Variants in CNTLN observed in about 807,000 individuals in gnomAD.
CNTLN encodes centlein.
A neutral mutation model predicts 180.0 loss-of-function variants in CNTLN; 212 were observed. The observed-to-expected ratio is 1.18, with a 90% CI of 1.05 to 1.32. The LOEUF (loss-of-function observed/expected upper bound fraction) is 1.32, where lower values mean the gene tolerates loss of function less well. Among genes scored for constraint, CNTLN ranks in the 40% most tolerant of loss-of-function variants. The pLI, the probability that CNTLN is intolerant of heterozygous loss-of-function variation, is 0.00. For synonymous variants in CNTLN, 722 were observed against 563.1 expected, an observed-to-expected ratio of 1.28 and a Z score of -3.99; for missense variants, 2,095 against 1,610.9, an observed-to-expected ratio of 1.30 and a Z score of -5.14.
intron 2 of CNTLN, among the ~76,000 whole-genome samples, chr9:17,149,544 G>A (rs1818706691): frequency 7.9e-6 from 1 of 126,838 alleles, no homozygotes; most frequent in African/African-American, 3.2e-5. Context: ...TAGAGACTGG[G>A]TCTCGCTCTG....
intron 13 of CNTLN, among the ~76,000 whole-genome samples, chr9:17,382,051 T>C (rs1825293771): frequency 6.6e-6 from 1 of 152,172 alleles, no homozygotes; most frequent in African/African-American, 2.4e-5. Flanking sequence ...GGAGTAAGCA[T>C]TTGCTGAGTA....
At chr9:17,264,978 A>G (rs573889462) in intron 5 of CNTLN, among the ~76,000 whole-genome samples, 228 of 144,092 alleles carry the variant, frequency 1.6e-3, no homozygotes, top group African/African-American at 5.7e-3. Flanking sequence ...GAATCATGTC[A>G]TCTGCAAACA....
At chr9:17,207,433 T>C (rs1777995237) in intron 2 of CNTLN, among the ~76,000 whole-genome samples, 1 of 152,176 alleles carries the variant, frequency 6.6e-6, no homozygotes, top group Admixed American at 6.5e-5. Flanking sequence ...GCTCGGTGTC[T>C]GCCCAAAGAG....
chr9:17,417,213 G>A (rs978673108), intron 18 of CNTLN, among the ~76,000 whole-genome samples: 1 of 152,092 alleles, frequency 6.6e-6, no homozygotes, highest in Non-Finnish European at 1.5e-5. Context: ...CACAACCACT[G>A]TATAGGAACC....
In CNTLN at chr9:17,267,674, AC is replaced by A. The variant is rs1182945536; in HGVS notation, c.850-6057del. Among the ~76,000 whole-genome samples the A allele has an allele frequency of 3.9e-5, 6 of 152,222 alleles. No homozygotes were observed. The East Asian group carries it at 9.7e-4, about 24-fold the overall frequency. On this transcript the variant is annotated intron_variant, in intron 5 of 25. Coordinates refer to ENST00000380647, the MANE Select transcript of CNTLN (RefSeq NM_017738.4). ...CATTCTCCCCGACACTTTCAGGTACACCAATCAGACGTAGATTTGGTCTTTT... is the reference window on the plus strand; with the variant it reads ...CATTCTCCCCGACACTTTCAGGTACACAATCAGACGTAGATTTGGTCTTTT...
chr9:17,152,539 T>G (rs1818962990), intron 2 of CNTLN, among the ~76,000 whole-genome samples: 1 of 152,180 alleles, frequency 6.6e-6, no homozygotes, highest in Admixed American at 6.5e-5. Flanking sequence ...TTATTTTGAT[T>G]TCTGTTCTTT....
intron 1 of CNTLN, among the ~76,000 whole-genome samples, chr9:17,141,767 A>G (rs529523525): frequency 2.6e-5 from 4 of 152,166 alleles, no homozygotes; most frequent in African/African-American, 7.2e-5. Context: ...GATGATTTGG[A>G]TATGAAGTAT....
chr9:17,295,356 C>A (rs1243105285), intron 6 of CNTLN, among the ~76,000 whole-genome samples: 2 of 152,192 alleles, frequency 1.3e-5, no homozygotes, highest in Admixed American at 6.5e-5. Flanking sequence ...GAGAGCGAGC[C>A]ACGACTGCGA....
chr9:17,389,655 G>C (rs1825945448), intron 14 of CNTLN, among the ~76,000 whole-genome samples: 1 of 151,698 alleles, frequency 6.6e-6, no homozygotes, highest in Non-Finnish European at 1.5e-5. Context: ...TATTTTAAAA[G>C]GTTATATATG....
intron 5 of CNTLN, among the ~76,000 whole-genome samples, chr9:17,240,579 T>G (rs776257784): frequency 2.0e-5 from 3 of 152,350 alleles, no homozygotes; most frequent in Non-Finnish European, 2.9e-5. Flanking sequence ...ATTCACATCT[T>G]TTGTCCCTTT....
intron 2 of CNTLN, among the ~76,000 whole-genome samples, chr9:17,157,271 A>C (rs1819361612): frequency 6.6e-6 from 1 of 152,212 alleles, no homozygotes; most frequent in African/African-American, 2.4e-5. Context: ...GATAACAATC[A>C]ATACGTACCA....
chr9:17,298,478 A>C (rs1408933755), intron 7 of CNTLN, 126 bp downstream of exon 7: 2 of 1,339,206 alleles, frequency 1.5e-6, no homozygotes, highest in African/African-American at 3.0e-5. Flanking sequence ...TTTCCTCAAA[A>C]TTTAGAAGTG....
rs541549566 is a variant in CNTLN at position 17,476,475 on chromosome 9, C to G, written c.3856-7820C>G. Reference sequence around the variant, plus strand: ...TGTCAAAAGCTGAGATAGGCTGAAACTAGGCCTTTTGCACCAAACAGCCAA... The same window carrying G: ...TGTCAAAAGCTGAGATAGGCTGAAAGTAGGCCTTTTGCACCAAACAGCCAA... On this transcript the variant is annotated intron_variant, in intron 23 of 25. Transcript: ENST00000380647. Among the ~76,000 whole-genome samples, 78 of 152,304 alleles carry G rather than the reference C, an allele frequency of 5.1e-4. 1 individual carries two copies. The South Asian group carries it at 0.014, about 28-fold the overall frequency.
intron 13 of CNTLN, among the ~76,000 whole-genome samples, chr9:17,376,606 C>A (rs1245916575): frequency 6.6e-6 from 1 of 152,024 alleles, no homozygotes. Flanking sequence ...CGCCCACCAC[C>A]TTGCCCGGCT....
At chr9:17,310,147 C>T (rs1819024654) in intron 8 of CNTLN, among the ~76,000 whole-genome samples, 1 of 152,050 alleles carries the variant, frequency 6.6e-6, no homozygotes, top group Admixed American at 6.5e-5. Flanking sequence ...ACCCTTGGTT[C>T]AACCAACTTA....
At position 17,482,303 on chromosome 9, in the gene CNTLN, T is replaced by C. The variant is rs114793302; in HGVS notation, c.3856-1992T>C. Among the ~76,000 whole-genome samples the C allele has an allele frequency of 5.4e-3, 820 of 152,254 alleles. 6 individuals are homozygous for C. The highest frequency in any genetic ancestry group is 0.019 in the African/African-American group (802 of 41,560). ...AGATAAAGTTATCAGTCTTTGCAGTTAGTTATTTGAATTCCTAGAAAAAGT... is the reference window on the plus strand; with the variant it reads ...AGATAAAGTTATCAGTCTTTGCAGTCAGTTATTTGAATTCCTAGAAAAAGT... On this transcript the variant is annotated intron_variant, in intron 23 of 25. Transcript: ENST00000380647.
chr9:17,311,031 C>A (rs1563983593), intron 8 of CNTLN, among the ~76,000 whole-genome samples: 2 of 149,052 alleles, frequency 1.3e-5, no homozygotes, highest in African/African-American at 4.9e-5. Flanking sequence ...TAAATTACTT[C>A]TTTTTTTTTT....
chr9:17,249,809 C>A (rs1036587853), intron 5 of CNTLN, among the ~76,000 whole-genome samples: 3 of 150,156 alleles, frequency 2.0e-5, no homozygotes, highest in Admixed American at 1.3e-4. Context: ...ATGGTGTGTC[C>A]TGGTGAATGT....
intron 18 of CNTLN, among the ~76,000 whole-genome samples, chr9:17,441,557 T>C (rs1830108839): frequency 7.5e-6 from 1 of 132,810 alleles, no homozygotes; most frequent in East Asian, 2.2e-4. Flanking sequence ...AGAAGATACA[T>C]GAAGAAAGTG....
Sources: gnomAD v4.1 joint callset for allele counts (sites outside exome capture counted in the v4.1 genomes callset) on GRCh38, gnomAD v4.1.1 for gene constraint, MANE v1.5 for transcripts, NCBI Gene and HGNC (gene_info 2026-07-23, HGNC 2026-07-21) for gene names.